Variants in BOD1L1 observed in about 807,000 individuals in gnomAD.
The protein encoded by BOD1L1 is biorientation of chromosomes in cell division protein 1-like 1.
Under a neutral mutation model 240.7 loss-of-function variants are expected in BOD1L1, and 86 were observed. The observed-to-expected ratio is 0.36, with a 90% CI of 0.30 to 0.43. The LOEUF is 0.43. BOD1L1 is among the 20% of genes least tolerant of loss of function. The probability of loss-of-function intolerance (pLI) is 1.00; values close to 1 mark genes in which losing one functional copy is unlikely to be tolerated. For missense variants in BOD1L1, 3,554 were observed against 3,643.5 expected (o/e 0.98, Z 0.63); for synonymous variants, 1,268 against 1,272.3 (o/e 1.00, Z 0.07).
chr4:13,585,895 T>C (rs531956804), intron 17 of BOD1L1, among the ~76,000 whole-genome samples: 2 of 152,308 alleles, frequency 1.3e-5, no homozygotes, highest in East Asian at 1.9e-4. Flanking sequence ...TCTACCATGA[T>C]TGTGAGGCCT....
In BOD1L1 at chr4:13,602,513, G is replaced by T; in HGVS notation, c.4387C>A (p.Pro1463Thr). The T allele has an allele frequency of 6.2e-7, 1 of 1,613,786 alleles. No individual in the cohort carries two copies. The highest frequency in any genetic ancestry group is 8.5e-7 in the Non-Finnish European group (1 of 1,179,836). The change falls in exon 10 of 26, where the codon CCA becomes ACA. Residue 1463 changes from proline to threonine, a missense_variant. Pro to Thr is a conservative substitution (Grantham distance 38). Around this residue, in one of 2 missense-constraint regions of BOD1L1, gnomAD observed 3,393 missense variants for 3,427.1 expected, o/e 0.99. Transcript: ENST00000040738. ...ETVKLKHKRSPGKVKDISIDV... is the reference protein window; with the variant it reads ...ETVKLKHKRSTGKVKDISIDV... ...ATTGATATGTCTTTTACTTTACCTGGGCTTCTTTTATGCTTAAGTTTGACA... is the reference window on the plus strand; with the variant it reads ...ATTGATATGTCTTTTACTTTACCTGTGCTTCTTTTATGCTTAAGTTTGACA...
At chr4:13,576,191 C>T (rs187130041) in intron 25 of BOD1L1, among the ~76,000 whole-genome samples, 4 of 151,492 alleles carry the variant, frequency 2.6e-5, no homozygotes, top group Admixed American at 1.3e-4. Flanking sequence ...TGAGTCACCG[C>T]GCCCAGCCCT....
At position 13,599,924 on chromosome 4, in the gene BOD1L1, C is replaced by G. The variant is rs541123232; in HGVS notation, c.6976G>C (p.Asp2326His). 1 of 1,613,506 alleles carries G rather than the reference C, an allele frequency of 6.2e-7. No individual in the cohort carries two copies. Among genetic ancestry groups the G allele is most frequent in the African/African-American group, 1.3e-5 (1 of 74,926 alleles). The change falls in exon 10 of 26, where the codon GAT (aspartate) becomes CAT (histidine). Residue 2326 changes from aspartate (D) to histidine (H), a missense_variant. By Grantham distance (81) the Asp-to-His change is moderately conservative. Around this residue, in one of 2 missense-constraint regions of BOD1L1, gnomAD observed 3,393 missense variants for 3,427.1 expected, o/e 0.99. Coordinates refer to ENST00000040738, the MANE Select transcript of BOD1L1 (RefSeq NM_148894.3). ...LTITRVEDLS[D>H]AAIISTSTAE... ...GTGCTGGTGGAGATGATGGCAGCAT[C>G]GCTCAAGTCTTCTACTCTTGTGATG... is the stretch of plus-strand genomic sequence containing the variant.
At position 13,601,236 on chromosome 4, in the gene BOD1L1, C is replaced by T. The variant is rs1715128949; in HGVS notation, c.5664G>A (p.Gly1888=). The change falls in exon 10 of 26, where the codon GGG becomes GGA. Residue 1888 remains glycine, a synonymous_variant. Coordinates refer to ENST00000040738, the MANE Select transcript of BOD1L1 (RefSeq NM_148894.3). ...AGACCCCTTCACTTTCTTCTCCTAA[C>T]CCTGTACAAGTTGAAGCATGCCCAA... is the stretch of plus-strand genomic sequence containing the variant. ...NEIGHASTCT[G]LGEESEGVLI... 1.2e-6 allele frequency: 2 copies of T among 1,614,008 alleles called. No individual in the cohort carries two copies. The highest frequency in any genetic ancestry group is 1.1e-5 in the South Asian group (1 of 91,080).
chr4:13,621,840 A>G (rs1437739470), intron 1 of BOD1L1, among the ~76,000 whole-genome samples: 1 of 150,834 alleles, frequency 6.6e-6, no homozygotes, highest in African/African-American at 2.4e-5. Context: ...CCATTTATCC[A>G]AAATCGATAT....
chr4:13,582,253 G>A lies in BOD1L1; in HGVS notation c.8576C>T (p.Thr2859Ile), dbSNP rs1250808388. Residue 2859 changes from threonine to isoleucine, a missense_variant, in exon 19 of 26, where the codon ACC becomes ATC. By Grantham distance (89) the Thr-to-Ile change is moderately conservative. This residue lies in a region of BOD1L1 where 3,393 missense variants were observed against 3,427.1 expected (regional missense o/e 0.99). Transcript: ENST00000040738. ...ACATCTCACCTCCTGAGATTTTATG[G>A]TGTCATCATCGTTCTGCTCTGGCTT... ...GEKPEQNDDD[T>I]IKSQEEDQPI... 2 of 1,612,924 alleles carry A rather than the reference G, an allele frequency of 1.2e-6. No individual in the cohort carries two copies. Among genetic ancestry groups the A allele is most frequent in the East Asian group, 2.2e-5 (1 of 44,846 alleles).
chr4:13,613,554 C>A lies in BOD1L1; in HGVS notation c.1282G>T (p.Val428Leu). Residue 428 changes from valine (V) to leucine (L), a missense_variant, in exon 5 of 26, where the codon GTA (valine) becomes TTA (leucine). By Grantham distance (32) the Val-to-Leu change is conservative. Around this residue, in one of 2 missense-constraint regions of BOD1L1, gnomAD observed 3,393 missense variants for 3,427.1 expected, o/e 0.99. Transcript: ENST00000040738. This position sits in a 1 kb window ranked among gnomAD's most constrained non-coding sequence, Gnocchi z 4.0. ...SFEEDTEEEV[V>L]TSDSMEEGEI... is the part of the protein sequence containing the mutation. The stretch of plus-strand genomic sequence containing the variant: ...CCTTCTTCCATGCTATCAGACGTTA[C>A]AACTTCCTCCTCAGTATCTTCTTCA... 6.2e-7 allele frequency: 1 copy of A among 1,612,678 alleles called. No homozygotes were observed. Among genetic ancestry groups the A allele is most frequent in the Non-Finnish European group, 8.5e-7 (1 of 1,178,972 alleles).
In BOD1L1 at chr4:13,599,699, C is replaced by A. The variant is rs371522389; in HGVS notation, c.7201G>T (p.Ala2401Ser). 22 of 1,613,660 alleles carry A rather than the reference C, an allele frequency of 1.4e-5. No homozygotes were observed. The highest frequency in any genetic ancestry group is 1.7e-5 in the Non-Finnish European group (20 of 1,179,896). The change falls in exon 10 of 26, where the codon GCA (alanine) becomes TCA (serine). Residue 2401 changes from alanine (A) to serine (S), a missense_variant. Around this residue, in one of 2 missense-constraint regions of BOD1L1, gnomAD observed 3,393 missense variants for 3,427.1 expected, o/e 0.99. Coordinates refer to ENST00000040738, the MANE Select transcript of BOD1L1 (RefSeq NM_148894.3). ...RGGKEPGPVL[A>S]VSTEEGHNGP... ...TTGTGCCCCTCCTCGGTGCTCACTG[C>A]CAACACGGGACCCGGTTCTTTGCCT...
At chr4:13,626,049 T>C (rs960917310) in intron 1 of BOD1L1, 2 of 152,198 alleles carry the variant, frequency 1.3e-5, no homozygotes, top group South Asian at 2.1e-4. Flanking sequence ...CAACTAAACA[T>C]ACTATGAGAA....
At chr4:13,587,655 A>C in intron 16 of BOD1L1, 44 bp downstream of exon 16, 1 of 1,393,532 alleles carries the variant, frequency 7.2e-7, no homozygotes, top group African/African-American at 1.4e-5. Flanking sequence ...TATAAAAATA[A>C]TGATTTTCAA....
Position 13,605,065 on chromosome 4 carries a change from AT to A in BOD1L1, c.1834del (p.Ile612PhefsTer7). On this transcript the variant is annotated frameshift_variant, in exon 10 of 26. Coordinates refer to ENST00000040738, the MANE Select transcript of BOD1L1 (RefSeq NM_148894.3). LOFTEE classifies it high-confidence loss of function. ...KTSEHCEKEK[I>X]SSSKELKHVH... is the part of the protein sequence containing the mutation. Reference sequence around the variant, plus strand: ...ATGCTTCAGCTCCTTTGAAGAAGAAATTTTTTCCTTTTCACAATGCTGAAAG... The same window carrying A: ...ATGCTTCAGCTCCTTTGAAGAAGAAATTTTTCCTTTTCACAATGCTGAAAG... The A allele has an allele frequency of 6.4e-7, 1 of 1,550,916 alleles. No individual in the cohort carries two copies.
At chr4:13,597,029 G>GTA (rs1201412388) in intron 11 of BOD1L1, 75 bp downstream of exon 11, 7 of 1,128,684 alleles carry the variant, frequency 6.2e-6, no homozygotes, top group Non-Finnish European at 9.1e-6. Flanking sequence ...TACCACATAA[G>GTA]TATATATATG....
In BOD1L1 at chr4:13,608,556, T is replaced by A; in HGVS notation, c.1716A>T (p.Leu572Phe). ...TTGAATCTTTTTTTCTCTTTTTGCT[T>A]AAGGCTACTTTTTTTTCTAAAACTT... ...ERKVLEKKVA[L>F]SKKRKKDSRN... Residue 572 changes from leucine to phenylalanine, a missense_variant, in exon 8 of 26, where the codon TTA becomes TTT. Leu to Phe is a conservative substitution (Grantham distance 22). Transcript: ENST00000040738. The A allele has an allele frequency of 6.5e-7, 1 of 1,544,930 alleles. No individual in the cohort carries two copies. The highest frequency in any genetic ancestry group is 8.7e-7 in the Non-Finnish European group (1 of 1,148,406).
intron 25 of BOD1L1, among the ~76,000 whole-genome samples, chr4:13,573,818 G>A (rs1471882712): frequency 6.6e-6 from 1 of 151,876 alleles, no homozygotes; most frequent in Non-Finnish European, 1.5e-5. Context: ...GCCACTGTGC[G>A]TGGCCTCTTT....
intron 25 of BOD1L1, chr4:13,572,867 G>C: frequency 7.8e-7 from 1 of 1,288,822 alleles, no homozygotes; most frequent in South Asian, 1.2e-5. Context: ...AGAAACACTG[G>C]GCAATGGTAG....
chr4:13,600,263 TCTC>T lies in BOD1L1; in HGVS notation c.6634_6636del (p.Glu2212del). On this transcript the variant is annotated inframe_deletion, in exon 10 of 26. Transcript: ENST00000040738. ...GTGGAAATGAGAGCACATTCATCCTTCTCCTCCTTGCTGGTTGAGGCAAGAGGA... is the reference window on the plus strand; with the variant it reads ...GTGGAAATGAGAGCACATTCATCCTTCTCCTTGCTGGTTGAGGCAAGAGGA... 6.2e-7 allele frequency: 1 copy of T among 1,614,014 alleles called. No individual in the cohort carries two copies. Among genetic ancestry groups the T allele is most frequent in the Non-Finnish European group, 8.5e-7 (1 of 1,179,892 alleles).
chr4:13,599,818 C>T lies in BOD1L1; in HGVS notation c.7082G>A (p.Gly2361Asp), dbSNP rs1714953718. ...QLTADNPEGN[G>D]DLSATEVSKH... ...GCTCACTTCTGTGGCTGACAGGTCACCGTTCCCTTCTGGGTTGTCTGCAGT... is the reference window on the plus strand; with the variant it reads ...GCTCACTTCTGTGGCTGACAGGTCATCGTTCCCTTCTGGGTTGTCTGCAGT... Residue 2361 changes from glycine to aspartate, a missense_variant, in exon 10 of 26, where the codon GGT (glycine) becomes GAT (aspartate). Coordinates refer to ENST00000040738, the MANE Select transcript of BOD1L1 (RefSeq NM_148894.3). 2 of 1,614,038 alleles carry T rather than the reference C, an allele frequency of 1.2e-6. No individual in the cohort carries two copies. Among genetic ancestry groups the T allele is most frequent in the South Asian group, 2.2e-5 (2 of 91,084 alleles).
At position 13,600,716 on chromosome 4, in the gene BOD1L1, C is replaced by T. The variant is rs766805248; in HGVS notation, c.6184G>A (p.Ala2062Thr). ...ACTTTGCCTTGATTTTTACCCCCTG[C>T]TAAGCTATTCTGGTTGGTAATATCA... is the stretch of plus-strand genomic sequence containing the variant. ...SGDITNQNSLAGGKNQGKVLI... is the reference protein window; with the variant it reads ...SGDITNQNSLTGGKNQGKVLI... Residue 2062 changes from alanine to threonine, a missense_variant, in exon 10 of 26, where the codon GCA becomes ACA. This residue lies in a region of BOD1L1 where 3,393 missense variants were observed against 3,427.1 expected (regional missense o/e 0.99). Coordinates refer to ENST00000040738, the MANE Select transcript of BOD1L1 (RefSeq NM_148894.3). 5 of 1,613,994 alleles carry T rather than the reference C, an allele frequency of 3.1e-6. No homozygotes were observed. The South Asian group carries it at 5.5e-5, about 18-fold the overall frequency.
Position 13,601,293 on chromosome 4 carries a change from A to C in BOD1L1, c.5607T>G (p.Asp1869Glu). ...GAKEEDEEGE[D>E]VVTSTGRGNE... ...TTCCTCTTCCAGTACTAGTCACAAC[A>C]TCCTCCCCTTCCTCGTCTTCCTCTT... Residue 1869 changes from aspartate (D) to glutamate (E), a missense_variant, in exon 10 of 26, where the codon GAT becomes GAG. By Grantham distance (45) the Asp-to-Glu change is conservative. Coordinates refer to ENST00000040738, the MANE Select transcript of BOD1L1 (RefSeq NM_148894.3). The C allele has an allele frequency of 6.2e-7, 1 of 1,613,898 alleles. No homozygotes were observed. Among genetic ancestry groups the C allele is most frequent in the Non-Finnish European group, 8.5e-7 (1 of 1,179,876 alleles).
Sources: allele counts gnomAD v4.1 joint callset (sites outside exome capture counted in the v4.1 genomes callset), GRCh38; gene constraint gnomAD v4.1.1; regional missense constraint gnomAD v4.1.1; non-coding constraint Gnocchi (gnomAD v3.1); transcripts MANE v1.5; gene names NCBI Gene and HGNC (gene_info 2026-07-23, HGNC 2026-07-21).